Variants in AGBL4 observed in about 807,000 individuals in gnomAD.
The protein encoded by AGBL4 is cytosolic carboxypeptidase 6.
AGBL4 carries 58 observed loss-of-function variants against 66.4 expected under a neutral mutation model. The ratio of observed to expected loss-of-function variants is 0.87; its 90% CI spans 0.71 to 1.09. The LOEUF is 1.09. Ranked by LOEUF, AGBL4 falls within the 50% of genes least tolerant of loss-of-function variation. AGBL4 has a pLI of 0.00. For synonymous variants in AGBL4, 234 were observed against 222.9 expected (o/e 1.05, Z -0.44); for missense variants, 579 against 631.0 (o/e 0.92, Z 0.88).
intron 1 of AGBL4, among the ~76,000 whole-genome samples, chr1:50,010,952 C>A (rs540988094): frequency 6.6e-6 from 1 of 152,036 alleles, no homozygotes; most frequent in African/African-American, 2.4e-5. Flanking sequence ...GCAACCAAAG[C>A]AAAAATGGAC....
intron 3 of AGBL4, among the ~76,000 whole-genome samples, chr1:49,265,020 A>G (rs2148372445): frequency 6.6e-6 from 1 of 152,096 alleles, no homozygotes; most frequent in African/African-American, 2.4e-5. Context: ...CTTCCTCACT[A>G]TGTTTTAAAA....
chr1:49,312,384 C>G (rs1166440045), intron 3 of AGBL4, among the ~76,000 whole-genome samples: 1 of 152,056 alleles, frequency 6.6e-6, no homozygotes, highest in Admixed American at 6.6e-5. Context: ...CTATCAGCCC[C>G]TAAAACTACA....
Position 48,744,549 on chromosome 1 carries a change from C to T in AGBL4, c.635-81308G>A, listed in dbSNP as rs531598943. 9.8e-5 allele frequency among the ~76,000 whole-genome samples: 15 copies of T among 152,318 alleles called. No individual in the cohort carries two copies. In the South Asian group the frequency reaches 2.9e-3, roughly 29 times the overall value. On this transcript the variant is annotated intron_variant, in intron 6 of 13. Transcript: ENST00000371839. ...AGAGGAGGTCCATGAAAGGCACTCA[C>T]TCACGGTCATTTTTAGCAAGAACAT...
intron 3 of AGBL4, among the ~76,000 whole-genome samples, chr1:49,443,011 G>T (rs1261215363): frequency 2.6e-5 from 4 of 152,074 alleles, no homozygotes; most frequent in African/African-American, 9.6e-5. Flanking sequence ...ATTTTAATTT[G>T]CATTTTTCTA....
At chr1:49,620,482 G>A (rs1319504521) in intron 3 of AGBL4, among the ~76,000 whole-genome samples, 2 of 152,136 alleles carry the variant, frequency 1.3e-5, no homozygotes, top group Non-Finnish European at 2.9e-5. Flanking sequence ...ATGCTAGAGG[G>A]GATGTGGAGA....
At chr1:49,064,544 C>A (rs1015630466) in intron 4 of AGBL4, among the ~76,000 whole-genome samples, 4 of 152,204 alleles carry the variant, frequency 2.6e-5, no homozygotes, top group Non-Finnish European at 4.4e-5. Context: ...TAGGTCTCTA[C>A]TTCCCATGGA....
At chr1:49,529,961 G>T (rs114045815) in intron 3 of AGBL4, among the ~76,000 whole-genome samples, 376 of 151,906 alleles carry the variant, frequency 2.5e-3, no homozygotes, top group African/African-American at 8.8e-3. Flanking sequence ...AAAGGAGATG[G>T]GAATGGAGAG....
chr1:49,345,038 C>T (rs1645611249), intron 3 of AGBL4, among the ~76,000 whole-genome samples: 1 of 152,114 alleles, frequency 6.6e-6, no homozygotes, highest in African/African-American at 2.4e-5. Flanking sequence ...CAAATTAAGT[C>T]TTTTTCTGAC....
chr1:49,710,356 G>A (rs139087788), intron 2 of AGBL4, among the ~76,000 whole-genome samples: 1,665 of 152,082 alleles, frequency 0.011, 26 homozygotes, highest in African/African-American at 0.038. Context: ...ACCAAACACC[G>A]CAAGTTTTCA....
chr1:49,869,752 A>C (rs1646793983), intron 1 of AGBL4, among the ~76,000 whole-genome samples: 1 of 152,176 alleles, frequency 6.6e-6, no homozygotes, highest in Admixed American at 6.5e-5. Flanking sequence ...TGGAACTAAA[A>C]TAAAATAAAA....
chr1:48,941,139 G>A (rs941825586), intron 5 of AGBL4, among the ~76,000 whole-genome samples: 1 of 152,242 alleles, frequency 6.6e-6, no homozygotes, highest in Non-Finnish European at 1.5e-5. Context: ...CTGAACATCA[G>A]AGGGCAGTGG....
In AGBL4 at chr1:49,797,184, A is replaced by T. The variant is rs549351338; in HGVS notation, c.157+54212T>A. 2.0e-5 allele frequency among the ~76,000 whole-genome samples: 3 copies of T among 152,304 alleles called. No individual in the cohort carries two copies. In the South Asian group the frequency reaches 6.2e-4, roughly 32 times the overall value. ...CCTGCCAATTTCACAAAAATATTTT[A>T]AGAATTAATTAAATTTCAATATTCT... On this transcript the variant is annotated intron_variant, in intron 2 of 13. Transcript: ENST00000371839.
chr1:49,845,664 T>G, intron 2 of AGBL4: 6 of 1,606,160 alleles, frequency 3.7e-6, no homozygotes, highest in Non-Finnish European at 5.1e-6. Flanking sequence ...AAAAGCCCTG[T>G]GAGTGCAGTG....
At chr1:49,147,836 G>T (rs767638917) in intron 4 of AGBL4, among the ~76,000 whole-genome samples, 6 of 152,038 alleles carry the variant, frequency 3.9e-5, no homozygotes, top group African/African-American at 1.2e-4. Flanking sequence ...GAAGGAGAGG[G>T]GGGGTGACAA....
intron 2 of AGBL4, among the ~76,000 whole-genome samples, chr1:49,772,387 G>A (rs138230167): frequency 4.3e-4 from 66 of 152,240 alleles, no homozygotes; most frequent in African/African-American, 1.5e-3. Context: ...ACCTTCATTA[G>A]AGGTTTGAAG....
At position 48,533,186 on chromosome 1, in the gene AGBL4, A is replaced by T. The variant is rs1352638742; in HGVS notation, c.*987T>A. The T allele has an allele frequency of 6.6e-6, 1 of 151,882 alleles. No homozygotes were observed. The highest frequency in any genetic ancestry group is 1.5e-5 in the Non-Finnish European group (1 of 67,944). 9.4% of individuals were successfully genotyped at this position (151,882 alleles called of 1,614,324 possible). On this transcript the variant is annotated 3_prime_UTR_variant, in exon 14 of 14. Coordinates refer to ENST00000371839, the MANE Select transcript of AGBL4 (RefSeq NM_032785.4). Reference sequence around the variant, plus strand: ...TTTTAATTAGCAGGCTGTCATGGTGACTCAGCCTGCTGTTTCCACAGACAG... The same window carrying T: ...TTTTAATTAGCAGGCTGTCATGGTGTCTCAGCCTGCTGTTTCCACAGACAG...
At chr1:49,297,654 G>A (rs1475365104) in intron 3 of AGBL4, among the ~76,000 whole-genome samples, 1 of 152,136 alleles carries the variant, frequency 6.6e-6, no homozygotes, top group Admixed American at 6.5e-5. Flanking sequence ...GGAAAGGAAG[G>A]ACAGAAACTG....
chr1:49,241,529 C>T (rs1651235571), intron 4 of AGBL4, among the ~76,000 whole-genome samples: 1 of 152,012 alleles, frequency 6.6e-6, no homozygotes, highest in Non-Finnish European at 1.5e-5. Context: ...ACAAAGTTCT[C>T]ATTATAACAG....
intron 3 of AGBL4, among the ~76,000 whole-genome samples, chr1:49,495,917 T>C (rs1022113063): frequency 6.6e-6 from 1 of 152,046 alleles, no homozygotes; most frequent in Admixed American, 6.6e-5. Context: ...TCTCTATCCT[T>C]AATTTATTCA....
Sources: gnomAD v4.1 joint callset for allele counts (sites outside exome capture counted in the v4.1 genomes callset) on GRCh38, gnomAD v4.1.1 for gene constraint, MANE v1.5 for transcripts, NCBI Gene and HGNC (gene_info 2026-07-23, HGNC 2026-07-21) for gene names.